SPECC1: variants seen among roughly 807,000 people sequenced by gnomAD.
The protein encoded by SPECC1 is sperm antigen with calponin homology and coiled-coil domains 1, also known as cytospin-B.
A neutral mutation model predicts 104.1 loss-of-function variants in SPECC1; 62 were observed. The ratio of observed to expected loss-of-function variants is 0.60; its 90% CI spans 0.49 to 0.74. The LOEUF is 0.74. Among genes scored for constraint, SPECC1 ranks in the 30% least tolerant of loss-of-function variants. The pLI, the probability that SPECC1 is intolerant of heterozygous loss-of-function variation, is 0.00. For missense variants in SPECC1, 1,306 were observed against 1,310.5 expected, an observed-to-expected ratio of 1.00 and a Z score of 0.05; for synonymous variants, 513 against 501.6, an observed-to-expected ratio of 1.02 and a Z score of -0.30.
chr17:20,278,085 C>T (rs541955391), intron 12 of SPECC1, among the ~76,000 whole-genome samples: 1 of 152,214 alleles, frequency 6.6e-6, no homozygotes, highest in East Asian at 1.9e-4. Flanking sequence ...TATTCCTGGC[C>T]TGTGTGAAAG....
At chr17:20,219,316 CATT>C (rs1477596328) in intron 4 of SPECC1, among the ~76,000 whole-genome samples, 1 of 152,014 alleles carries the variant, frequency 6.6e-6, no homozygotes, top group Non-Finnish European at 1.5e-5. Flanking sequence ...CAGCATTTGT[CATT>C]CATGACTTTT....
chr17:20,251,169 A>G (rs2151559807), intron 9 of SPECC1, among the ~76,000 whole-genome samples: 1 of 139,430 alleles, frequency 7.2e-6, no homozygotes, highest in East Asian at 2.3e-4. Context: ...CGGAGGTTGC[A>G]GTCACCTGAG....
At chr17:20,137,677 GT>G (rs1174008149) in intron 3 of SPECC1, among the ~76,000 whole-genome samples, 2 of 151,570 alleles carry the variant, frequency 1.3e-5, no homozygotes, top group East Asian at 3.9e-4. Context: ...TTATTATTTT[GT>G]TTTTTGAGAC....
intron 13 of SPECC1, among the ~76,000 whole-genome samples, chr17:20,297,552 T>C (rs182097862): frequency 2.0e-5 from 3 of 152,258 alleles, no homozygotes; most frequent in East Asian, 1.9e-4. Context: ...ACAACAAGGG[T>C]TGGCAAATTT....
At chr17:20,101,865 C>T (rs1367400123) in intron 2 of SPECC1, among the ~76,000 whole-genome samples, 2 of 152,184 alleles carry the variant, frequency 1.3e-5, no homozygotes, top group Non-Finnish European at 2.9e-5. Flanking sequence ...CCAGTAACGA[C>T]CAGATTATGT....
intron 3 of SPECC1, among the ~76,000 whole-genome samples, chr17:20,149,718 C>T (rs1471989636): frequency 6.6e-6 from 1 of 152,162 alleles, no homozygotes; most frequent in African/African-American, 2.4e-5. Context: ...TTCAGAGAAT[C>T]ACCAAACCTT....
chr17:20,156,861 C>T (rs1325941269), intron 3 of SPECC1, among the ~76,000 whole-genome samples: 5 of 152,108 alleles, frequency 3.3e-5, no homozygotes. Flanking sequence ...AGCAGGGTTG[C>T]TTTTAAAAAC....
intron 7 of SPECC1, chr17:20,237,156 A>T: frequency 1.5e-6 from 2 of 1,351,818 alleles, no homozygotes; most frequent in Admixed American, 3.1e-5. Flanking sequence ...TTGGAGAATA[A>T]AATGAAGTTC....
intron 13 of SPECC1, among the ~76,000 whole-genome samples, chr17:20,300,946 C>T (rs960897601): frequency 7.9e-5 from 12 of 152,174 alleles, no homozygotes; most frequent in Admixed American, 6.5e-5. Context: ...GGTTGTGTCC[C>T]AGAGCCTAGG....
At chr17:20,108,018 C>T (rs1309626453) in intron 2 of SPECC1, among the ~76,000 whole-genome samples, 1 of 152,108 alleles carries the variant, frequency 6.6e-6, no homozygotes, top group Non-Finnish European at 1.5e-5. Context: ...AACAAAAAGA[C>T]TTCTACCGTC....
At chr17:20,154,506 G>C (rs1375401912) in intron 3 of SPECC1, among the ~76,000 whole-genome samples, 3 of 152,200 alleles carry the variant, frequency 2.0e-5, no homozygotes, top group Non-Finnish European at 4.4e-5. Context: ...GAGGAGGCCG[G>C]TGTAGCAACA....
intron 3 of SPECC1, among the ~76,000 whole-genome samples, chr17:20,158,177 T>TAGAA (rs145479174): frequency 0.018 from 2,786 of 152,226 alleles, 37 homozygotes; most frequent in Non-Finnish European, 0.028. Flanking sequence ...TACATTGGAC[T>TAGAA]AGAATCTCAA....
chr17:20,144,884 A>G (rs2152562828), intron 3 of SPECC1, among the ~76,000 whole-genome samples: 1 of 152,334 alleles, frequency 6.6e-6, no homozygotes, highest in Admixed American at 6.5e-5. Context: ...TGAGACAAGT[A>G]CAGAGGTTTT....
chr17:20,089,361 C>T (rs1049580149), intron 1 of SPECC1, among the ~76,000 whole-genome samples: 7 of 152,110 alleles, frequency 4.6e-5, no homozygotes, highest in African/African-American at 1.4e-4. Flanking sequence ...TGCAGTGGCT[C>T]ATGCCAGTAA....
At chr17:20,011,122 A>G (rs972355032) in intron 1 of SPECC1, among the ~76,000 whole-genome samples, 4 of 152,170 alleles carry the variant, frequency 2.6e-5, no homozygotes, top group Non-Finnish European at 5.9e-5. Context: ...ATCTGTGTTC[A>G]TAACAAGGAT....
At chr17:20,137,582 T>C (rs2030158620) in intron 3 of SPECC1, among the ~76,000 whole-genome samples, 1 of 152,234 alleles carries the variant, frequency 6.6e-6, no homozygotes, top group African/African-American at 2.4e-5. Context: ...CTTAGACTCT[T>C]GGTCATCTTT....
At chr17:20,079,813 C>G (rs773447576) in intron 1 of SPECC1, among the ~76,000 whole-genome samples, 2 of 152,154 alleles carry the variant, frequency 1.3e-5, no homozygotes, top group African/African-American at 2.4e-5. Context: ...GGCTGCGAAG[C>G]TGCCATTGGG....
intron 1 of SPECC1, among the ~76,000 whole-genome samples, chr17:20,029,866 T>A (rs1476731176): frequency 6.6e-6 from 1 of 152,304 alleles, no homozygotes; most frequent in East Asian, 1.9e-4. Context: ...TGGTTTTATT[T>A]ATTTTTTTCC....
chr17:20,056,899 T>C (rs2045985097), intron 1 of SPECC1, among the ~76,000 whole-genome samples: 1 of 152,230 alleles, frequency 6.6e-6, no homozygotes, highest in Admixed American at 6.5e-5. Context: ...TCTTTGATAG[T>C]ATCTATAGCC....
Sources: gnomAD v4.1 joint callset for allele counts (sites outside exome capture counted in the v4.1 genomes callset) on GRCh38, gnomAD v4.1.1 for gene constraint, MANE v1.5 for transcripts, NCBI Gene and HGNC (gene_info 2026-07-23, HGNC 2026-07-21) for gene names.